The following ZNF281 variants were observed in gnomAD, a reference collection of about 807,000 sequenced individuals.
ZNF281 encodes GC-box-binding zinc finger protein 1.
A neutral mutation model predicts 58.8 loss-of-function variants in ZNF281; 2 were observed. The observed-to-expected ratio is 0.03, with a 90% CI of 0.01 to 0.11. The LOEUF (loss-of-function observed/expected upper bound fraction) is 0.11. Among genes scored for constraint, ZNF281 ranks in the 10% least tolerant of loss-of-function variants. The probability of loss-of-function intolerance (pLI) is 1.00; values close to 1 mark genes in which losing one functional copy is unlikely to be tolerated. For synonymous variants in ZNF281, 465 were observed against 407.7 expected (o/e 1.14, Z -1.69); for missense variants, 975 against 1,090.7 (o/e 0.89, Z 1.49).
rs759348767 is a variant in ZNF281 at position 200,409,436 on chromosome 1, G to T, written c.270C>A (p.Pro90=). The part of the protein sequence containing the change: ...SSTSAAPAAE[P]PPPPAPDMTF... The stretch of plus-strand genomic sequence containing the variant: ...TCATGTCCGGGGCTGGCGGAGGGGG[G>T]GGCTCAGCGGCCGGGGCTGCGGAGG... The change falls in exon 2 of 2, where the codon CCC becomes CCA. Residue 90 remains proline, a synonymous_variant. Transcript: ENST00000367353. The T allele has an allele frequency of 4.6e-6, 7 of 1,523,664 alleles. No individual in the cohort carries two copies. The African/African-American group carries it at 9.7e-5, about 21-fold the overall frequency. 94.4% of individuals were successfully genotyped at this position (1,523,664 alleles called of 1,614,324 possible).
rs146065471 is a variant in ZNF281, at chr1:200,408,068, A to G, written c.1638T>C (p.Thr546=). Residue 546 remains threonine (T), a synonymous_variant, in exon 2 of 2, where the codon ACT becomes ACC. Transcript: ENST00000367353. ...QFSKKRRYLP[T]ASSNSAFSIN... The stretch of plus-strand genomic sequence containing the variant: ...TAGAAAAGGCACTGTTGCTGCTGGC[A>G]GTTGGTAAATATCTTCTTTTCTTTG... 413 of 1,614,078 alleles carry G rather than the reference A, an allele frequency of 2.6e-4. 2 individuals carry two copies. Among genetic ancestry groups the G allele is most frequent in the Admixed American group, 6.7e-5 (4 of 60,014 alleles).
In ZNF281 at chr1:200,408,652, G is replaced by C; in HGVS notation, c.1054C>G (p.Gln352Glu). 1 of 1,614,186 alleles carries C rather than the reference G, an allele frequency of 6.2e-7. No homozygotes were observed. The highest frequency in any genetic ancestry group is 8.5e-7 in the Non-Finnish European group (1 of 1,180,048). ...EKPYKCDTCQ[Q>E]YFSRTDRLLK... is the part of the protein sequence containing the mutation. ...AATCTATCAGTCCTTGAAAAATACT[G>C]TTGGCAAGTGTCACACTTATATGGC... Residue 352 changes from glutamine to glutamate, a missense_variant, in exon 2 of 2, where the codon CAG becomes GAG. This residue lies in a region of ZNF281 where 26 missense variants were observed against 121.0 expected (regional missense o/e 0.21). Coordinates refer to ENST00000367353, the MANE Select transcript of ZNF281 (RefSeq NM_001281293.2).
chr1:200,407,317 A>G lies in ZNF281; in HGVS notation c.2389T>C (p.Leu797=), dbSNP rs1405142159. Residue 797 remains leucine (L), a synonymous_variant, in exon 2 of 2, where the codon TTA becomes CTA. Transcript: ENST00000367353. ...KLTSQKEQKN[L]ESSTGFQIPS... ...ATCTGAAAGCCTGTTGAAGACTCTA[A>G]GTTTTTCTGTTCCTTCTGGCTAGTC... 1 of 1,614,038 alleles carries G rather than the reference A, an allele frequency of 6.2e-7. No individual in the cohort carries two copies. Among genetic ancestry groups the G allele is most frequent in the Non-Finnish European group, 8.5e-7 (1 of 1,180,046 alleles).
intron 1 of ZNF281, 36 bp from the exon 2 acceptor site, chr1:200,409,759 A>C: frequency 6.4e-7 from 1 of 1,562,920 alleles, no homozygotes; most frequent in Non-Finnish European, 8.6e-7. Context: ...AGAGGGAGGA[A>C]AGGAGGTGGA....
In ZNF281 at chr1:200,408,762, T is replaced by C; in HGVS notation, c.944A>G (p.Lys315Arg). 1 of 1,614,164 alleles carries C rather than the reference T, an allele frequency of 6.2e-7. No homozygotes were observed. Among genetic ancestry groups the C allele is most frequent in the South Asian group, 1.1e-5 (1 of 91,088 alleles). ...GCTGCACTGATCACATCCAAATGGC[T>C]TCTCTCTACTATGAATTTTCTCATG... ...QRHEKIHSRE[K>R]PFGCDQCSMK... The change falls in exon 2 of 2, where the codon AAG (lysine) becomes AGG (arginine). Residue 315 changes from lysine (K) to arginine (R), a missense_variant. Around this residue, in one of 3 missense-constraint regions of ZNF281, gnomAD observed 26 missense variants for 121.0 expected, o/e 0.21. Transcript: ENST00000367353.
chr1:200,409,382 G>T lies in ZNF281; in HGVS notation c.324C>A (p.Ala108=), dbSNP rs1318613038. 3 of 1,524,374 alleles carry T rather than the reference G, an allele frequency of 2.0e-6. No homozygotes were observed. Among genetic ancestry groups the T allele is most frequent in the Admixed American group, 2.2e-5 (1 of 45,644 alleles). The allele number at this position is 1,524,374 out of a possible 1,614,324, so 94.4% of individuals were successfully genotyped here. The stretch of plus-strand genomic sequence containing the variant: ...AGGTCCTCTGCGAGGGGAAGGCCGC[G>T]GCTGACGCCGCCGGCTCCTTCTTGA... ...MTFKKEPAAS[A]AAFPSQRTSW... Residue 108 remains alanine, a synonymous_variant, in exon 2 of 2, where the codon GCC becomes GCA. Coordinates refer to ENST00000367353, the MANE Select transcript of ZNF281 (RefSeq NM_001281293.2).
In ZNF281 at chr1:200,407,347, T is replaced by G. The variant is rs1318198690; in HGVS notation, c.2359A>C (p.Lys787Gln). ...TSSAFQSSSQKLTSQKEQKNL... is the reference protein window; with the variant it reads ...TSSAFQSSSQQLTSQKEQKNL... ...TTCTGTTCCTTCTGGCTAGTCAATT[T>G]CTGAGATGAGGACTGGAAGGCTGAT... Residue 787 changes from lysine (K) to glutamine (Q), a missense_variant, in exon 2 of 2, where the codon AAA becomes CAA. Transcript: ENST00000367353. 1 of 1,614,106 alleles carries G rather than the reference T, an allele frequency of 6.2e-7. No individual in the cohort carries two copies. The highest frequency in any genetic ancestry group is 1.1e-5 in the South Asian group (1 of 91,084).
rs755354304 is a variant in ZNF281, at chr1:200,408,165, A to G, written c.1541T>C (p.Ile514Thr). The change falls in exon 2 of 2, where the codon ATT (isoleucine) becomes ACT (threonine). Residue 514 changes from isoleucine (I) to threonine (T), a missense_variant. By Grantham distance (89) the Ile-to-Thr change is moderately conservative. This residue lies in a region of ZNF281 where 579 missense variants were observed against 608.9 expected (regional missense o/e 0.95). Transcript: ENST00000367353. ...GIVSNNSVET[I>T]GLLQSTSGKQ... is the part of the protein sequence containing the mutation. ...GCCACTTGTACTTTGGAGAAGACCA[A>G]TGGTCTCCACACTATTATTTGATAC... The G allele has an allele frequency of 4.3e-6, 7 of 1,613,904 alleles. No individual in the cohort carries two copies. The African/African-American group carries it at 6.7e-5, about 15-fold the overall frequency.
At position 200,408,546 on chromosome 1, in the gene ZNF281, T is replaced by C. The variant is rs958518021; in HGVS notation, c.1160A>G (p.Asn387Ser). 2.5e-6 allele frequency: 4 copies of C among 1,614,238 alleles called. No individual in the cohort carries two copies. The African/African-American group carries it at 4.0e-5, about 16-fold the overall frequency. Residue 387 changes from asparagine to serine, a missense_variant, in exon 2 of 2, where the codon AAT (asparagine) becomes AGT (serine). Asn to Ser is a conservative substitution (Grantham distance 46, BLOSUM62 1). Coordinates refer to ENST00000367353, the MANE Select transcript of ZNF281 (RefSeq NM_001281293.2). The stretch of plus-strand genomic sequence containing the variant: ...AGACAACACAGCCAGATTACCCATA[T>C]TGGTATGGTTTGATGACCCAGGTTC... ...SAEPGSSNHT[N>S]MGNLAVLSQG...
chr1:200,407,715 A>G lies in ZNF281; in HGVS notation c.1991T>C (p.Met664Thr), dbSNP rs1195452387. The G allele has an allele frequency of 2.5e-6, 4 of 1,614,068 alleles. No homozygotes were observed. The highest frequency in any genetic ancestry group is 2.7e-5 in the African/African-American group (2 of 74,930). ...TQTPSNDKAS[M>T]LQEYSKYLQQ... is the part of the protein sequence containing the mutation. Reference sequence around the variant, plus strand: ...GAGGTATTTGGAGTATTCTTGCAACATACTTGCTTTATCATTTGAAGGTGT... The same window carrying G: ...GAGGTATTTGGAGTATTCTTGCAACGTACTTGCTTTATCATTTGAAGGTGT... The change falls in exon 2 of 2, where the codon ATG (methionine) becomes ACG (threonine). Residue 664 changes from methionine to threonine, a missense_variant. Met to Thr is a moderately conservative substitution (Grantham distance 81). This residue lies in a region of ZNF281 where 579 missense variants were observed against 608.9 expected (regional missense o/e 0.95). Transcript: ENST00000367353.
Position 200,406,915 on chromosome 1 carries a change from A to G in ZNF281, c.*103T>C. 8.9e-7 allele frequency: 1 copy of G among 1,122,108 alleles called. No individual in the cohort carries two copies. Among genetic ancestry groups the G allele is most frequent in the Non-Finnish European group, 1.2e-6 (1 of 812,252 alleles). The allele number at this position is 1,122,108 out of a possible 1,614,324, so 69.5% of individuals were successfully genotyped here. The stretch of plus-strand genomic sequence containing the variant: ...TGAAAAGTTGCATTGAAAGGGCATC[A>G]CATTATTCTTAATAGGATCGTGTAG... On this transcript the variant is annotated 3_prime_UTR_variant, in exon 2 of 2. Transcript: ENST00000367353.
At position 200,404,992 on chromosome 1, in the gene ZNF281, A is replaced by T. The variant is rs1654413830; in HGVS notation, c.*2026T>A. ...TTTTATTGGTAGTAAACTAGAGCAA[A>T]CAATCAGAATAATACATATGCAGTA... On this transcript the variant is annotated 3_prime_UTR_variant, in exon 2 of 2. Transcript: ENST00000367353. 1 of 152,632 alleles carries T rather than the reference A, an allele frequency of 6.6e-6. No individual in the cohort carries two copies. Among genetic ancestry groups the T allele is most frequent in the South Asian group, 2.1e-4 (1 of 4,832 alleles). The allele number at this position is 152,632 out of a possible 1,614,324, so 9.5% of individuals were successfully genotyped here.
rs1654442749 is a variant in ZNF281, at chr1:200,406,083, A to G, written c.*935T>C. The G allele has an allele frequency of 6.6e-6, 1 of 152,240 alleles. No individual in the cohort carries two copies. The highest frequency in any genetic ancestry group is 1.5e-5 in the Non-Finnish European group (1 of 68,032). The allele number at this position is 152,240 out of a possible 1,614,324, so 9.4% of individuals were successfully genotyped here. On this transcript the variant is annotated 3_prime_UTR_variant, in exon 2 of 2. Transcript: ENST00000367353. ...AAACCCAGAAGTGTAGGTAATACGTAACAGCGCAGACAGAACCGTTGTAGG... is the reference window on the plus strand; with the variant it reads ...AAACCCAGAAGTGTAGGTAATACGTGACAGCGCAGACAGAACCGTTGTAGG...
rs978808306 is a variant in ZNF281, at chr1:200,406,115, A to C, written c.*903T>G. On this transcript the variant is annotated 3_prime_UTR_variant, in exon 2 of 2. Transcript: ENST00000367353. Reference sequence around the variant, plus strand: ...CAGACAGAACCGTTGTAGGCCATGTATAATAAATAATGCATGCCCCAAATT... The same window carrying C: ...CAGACAGAACCGTTGTAGGCCATGTCTAATAAATAATGCATGCCCCAAATT... 1.3e-5 allele frequency: 2 copies of C among 152,320 alleles called. No individual in the cohort carries two copies. The highest frequency in any genetic ancestry group is 4.8e-5 in the African/African-American group (2 of 41,460). The allele number at this position is 152,320 out of a possible 1,614,324, so 9.4% of individuals were successfully genotyped here.
In ZNF281 at chr1:200,409,184, G is replaced by A. The variant is rs186608122; in HGVS notation, c.522C>T (p.Ile174=). The A allele has an allele frequency of 3.7e-6, 6 of 1,614,132 alleles. No homozygotes were observed. Among genetic ancestry groups the A allele is most frequent in the East Asian group, 4.5e-5 (2 of 44,876 alleles). ...GCTGGTGGAGAATACTGAGGTCCTG[G>A]ATGACGCCGTGACTCCCCCCTTCAC... The part of the protein sequence containing the change: ...GGGEGGSHGV[I]QDLSILHQHV... Residue 174 remains isoleucine, a synonymous_variant, in exon 2 of 2, where the codon ATC becomes ATT. Coordinates refer to ENST00000367353, the MANE Select transcript of ZNF281 (RefSeq NM_001281293.2).
chr1:200,406,145 T>G lies in ZNF281; in HGVS notation c.*873A>C, dbSNP rs978871240. On this transcript the variant is annotated 3_prime_UTR_variant, in exon 2 of 2. Transcript: ENST00000367353. ...AAATAATGCATGCCCCAAATTTCAG[T>G]TAATCATATAATTTCAACTTGAGTT... 6.6e-6 allele frequency: 1 copy of G among 152,398 alleles called. No individual in the cohort carries two copies. The highest frequency in any genetic ancestry group is 1.5e-5 in the Non-Finnish European group (1 of 68,016). The allele number at this position is 152,398 out of a possible 1,614,324, so 9.4% of individuals were successfully genotyped here.
chr1:200,407,799 T>C lies in ZNF281; in HGVS notation c.1907A>G (p.His636Arg). ...FNIAEPRVDL[H>R]TSGEHSELVQ... ...CAATTCTGAGTGTTCTCCTGAGGTG[T>C]GTAAATCCACTCGTGGTTCTGCAAT... Residue 636 changes from histidine to arginine, a missense_variant, in exon 2 of 2, where the codon CAC (histidine) becomes CGC (arginine). Around this residue, in one of 3 missense-constraint regions of ZNF281, gnomAD observed 579 missense variants for 608.9 expected, o/e 0.95. Coordinates refer to ENST00000367353, the MANE Select transcript of ZNF281 (RefSeq NM_001281293.2). 1 of 1,614,210 alleles carries C rather than the reference T, an allele frequency of 6.2e-7. No individual in the cohort carries two copies. The highest frequency in any genetic ancestry group is 1.1e-5 in the South Asian group (1 of 91,086).
Position 200,406,080 on chromosome 1 carries a change from C to T in ZNF281, c.*938G>A, listed in dbSNP as rs1445399464. ...AAAAAACCCAGAAGTGTAGGTAATACGTAACAGCGCAGACAGAACCGTTGT... is the reference window on the plus strand; with the variant it reads ...AAAAAACCCAGAAGTGTAGGTAATATGTAACAGCGCAGACAGAACCGTTGT... On this transcript the variant is annotated 3_prime_UTR_variant, in exon 2 of 2. Transcript: ENST00000367353. The T allele has an allele frequency of 6.6e-6, 1 of 152,104 alleles. No individual in the cohort carries two copies. The highest frequency in any genetic ancestry group is 1.5e-5 in the Non-Finnish European group (1 of 68,002). The allele number at this position is 152,104 out of a possible 1,614,324, so 9.4% of individuals were successfully genotyped here.
In ZNF281 at chr1:200,409,529, C is replaced by A. The variant is rs1222868601; in HGVS notation, c.177G>T (p.Pro59=). The A allele has an allele frequency of 6.5e-7, 1 of 1,549,422 alleles. No individual in the cohort carries two copies. Among genetic ancestry groups the A allele is most frequent in the Admixed American group, 2.0e-5 (1 of 50,918 alleles). Residue 59 remains proline (P), a synonymous_variant, in exon 2 of 2, where the codon CCG becomes CCT. Coordinates refer to ENST00000367353, the MANE Select transcript of ZNF281 (RefSeq NM_001281293.2). ...GMVMFNHRLP[P]VTSFTRPAGS... is the part of the protein sequence containing the mutation. ...CCGCCGGCCGGGTGAAGCTGGTGAC[C>A]GGGGGAAGACGGTGGTTGAACATAA...
Sources: allele counts gnomAD v4.1 joint callset, GRCh38; gene constraint gnomAD v4.1.1; regional missense constraint gnomAD v4.1.1; transcripts MANE v1.5; gene names NCBI Gene and HGNC (gene_info 2026-07-23, HGNC 2026-07-21).